The following SNAPC4 variants were observed in gnomAD, a reference collection of about 807,000 sequenced individuals.
SNAPC4 encodes snRNA-activating protein complex subunit 4.
In SNAPC4, 127 loss-of-function variants were observed where a neutral mutation model predicts 151.3. The ratio of observed to expected loss-of-function variants is 0.84; its 90% confidence interval spans 0.73 to 0.97. The LOEUF (loss-of-function observed/expected upper bound fraction) is 0.97. Among genes scored for constraint, SNAPC4 ranks in the 50% least tolerant of loss-of-function variants. The pLI is 0.00. For missense variants in SNAPC4, 2,186 were observed against 1,935.0 expected, an observed-to-expected ratio of 1.13 and a Z score of -2.43; for synonymous variants, 1,002 against 824.4, an observed-to-expected ratio of 1.22 and a Z score of -3.69.
rs570036164 is a variant in SNAPC4, at chr9:136,378,562, G to A, written c.3265C>T (p.Pro1089Ser). The A allele has an allele frequency of 3.0e-5, 48 of 1,591,678 alleles. No homozygotes were observed. The highest frequency in any genetic ancestry group is 1.5e-5 in the Non-Finnish European group (18 of 1,172,832). ...VLTAQGLLPV[P>S]VPAVVSLPRP... ...GGAAGGCTCACCACAGCTGGTACAGGAACAGGGAGAAGCCCCTGGGCTGTG... is the reference window on the plus strand; with the variant it reads ...GGAAGGCTCACCACAGCTGGTACAGAAACAGGGAGAAGCCCCTGGGCTGTG... The change falls in exon 22 of 24, where the codon CCT becomes TCT. Residue 1089 changes from proline (P) to serine (S), a missense_variant. By Grantham distance (74) the Pro-to-Ser change is moderately conservative. Coordinates refer to ENST00000684778, the MANE Select transcript of SNAPC4 (RefSeq NM_003086.4).
At chr9:136,376,904 G>A (rs540300485) in intron 22 of SNAPC4, among the ~76,000 whole-genome samples, 274 of 152,296 alleles carry the variant, frequency 1.8e-3, no homozygotes, top group Non-Finnish European at 2.7e-3. Flanking sequence ...CACTCCCTAT[G>A]ACAGGCCCAC....
At chr9:136,384,625 G>A (rs1833825613) in intron 14 of SNAPC4, 95 bp downstream of exon 14, 2 of 654,958 alleles carry the variant, frequency 3.1e-6, no homozygotes, top group African/African-American at 1.9e-5. Context: ...CCCCAGCCTG[G>A]ACGACAGAGC....
intron 18 of SNAPC4, 35 bp from the exon 19 acceptor site, chr9:136,381,427 C>T (rs760820504): frequency 1.3e-6 from 2 of 1,581,166 alleles, no homozygotes; most frequent in African/African-American, 2.7e-5. Context: ...AAAGCAGCCC[C>T]AGCTCCCATG....
In SNAPC4 at chr9:136,395,734, C is replaced by G; in HGVS notation, c.214G>C (p.Asp72His). Residue 72 changes from aspartate to histidine, a missense_variant, in exon 4 of 24, where the codon GAC (aspartate) becomes CAC (histidine). Transcript: ENST00000684778. ...GGGAGGGTTTTATCCTTGGGATCGT[C>G]CTCGTCATTGCTGGCTTCGCCCCAC... ...ERWGEASNDE[D>H]DPKDKTLPED... is the part of the protein sequence containing the mutation. 1 of 1,613,426 alleles carries G rather than the reference C, an allele frequency of 6.2e-7. No homozygotes were observed. Among genetic ancestry groups the G allele is most frequent in the South Asian group, 1.1e-5 (1 of 91,084 alleles).
Position 136,392,172 on chromosome 9 carries a change from A to G in SNAPC4, c.811-66T>C. The G allele has an allele frequency of 2.5e-6, 4 of 1,586,132 alleles. No individual in the cohort carries two copies. The South Asian group carries it at 4.4e-5, about 17-fold the overall frequency. On this transcript the variant is annotated intron_variant, in intron 9 of 23. Transcript: ENST00000684778. ...CCAGGGGCACCCTAGACGCAGCTCC[A>G]GGCTGAGCTGTTGCTCTCCGCCAGC...
chr9:136,386,670 G>A (rs1439771427), intron 13 of SNAPC4, among the ~76,000 whole-genome samples: 1 of 152,106 alleles, frequency 6.6e-6, no homozygotes, highest in Non-Finnish European at 1.5e-5. Context: ...CCAACCTCAG[G>A]TGATCCGCCG....
At chr9:136,389,830 G>A (rs1366529243) in intron 10 of SNAPC4, among the ~76,000 whole-genome samples, 1 of 152,184 alleles carries the variant, frequency 6.6e-6, no homozygotes, top group Non-Finnish European at 1.5e-5. Context: ...GAGGGTGGCT[G>A]GAGTGAAGCT....
At position 136,378,430 on chromosome 9, in the gene SNAPC4, A is replaced by C; in HGVS notation, c.3397T>G (p.Ser1133Ala). ...TTCATATTGGCTGGGGGCTGCCAAGAGCTGCTCAACGCTGGGGCCCTGGGG... is the reference window on the plus strand; with the variant it reads ...TTCATATTGGCTGGGGGCTGCCAAGCGCTGCTCAACGCTGGGGCCCTGGGG... Reference protein sequence around the residue: ...QGPRAPALSSSWQPPANMNRE... With the variant: ...QGPRAPALSSAWQPPANMNRE... The change falls in exon 22 of 24, where the codon TCT becomes GCT. Residue 1133 changes from serine to alanine, a missense_variant. Ser to Ala is a moderately conservative substitution (Grantham distance 99). Transcript: ENST00000684778. 1 of 1,598,890 alleles carries C rather than the reference A, an allele frequency of 6.3e-7. No homozygotes were observed. Among genetic ancestry groups the C allele is most frequent in the South Asian group, 1.1e-5 (1 of 90,342 alleles).
chr9:136,392,901 C>T, intron 7 of SNAPC4, 124 bp from the exon 8 acceptor site: 1 of 760,614 alleles, frequency 1.3e-6, no homozygotes, highest in Non-Finnish European at 2.2e-6. Context: ...CTCACCCTCC[C>T]TGCCTCGGCC....
At position 136,378,368 on chromosome 9, in the gene SNAPC4, T is replaced by G. The variant is rs531928177; in HGVS notation, c.3459A>C (p.Pro1153=). 2 of 1,611,212 alleles carry G rather than the reference T, an allele frequency of 1.2e-6. No homozygotes were observed. Among genetic ancestry groups the G allele is most frequent in the African/African-American group, 2.7e-5 (2 of 75,018 alleles). Residue 1153 remains proline, a synonymous_variant, in exon 22 of 24, where the codon CCA becomes CCC. Transcript: ENST00000684778. ...GGGAGAGGGCGTGTGTGGGAGGAGCTGGGGTGTCTGTCCTGCAGGAAGGCT... is the reference window on the plus strand; with the variant it reads ...GGGAGAGGGCGTGTGTGGGAGGAGCGGGGGTGTCTGTCCTGCAGGAAGGCT... ...EPEPSCRTDT[P]APPTHALSQS... is the part of the protein sequence containing the mutation.
rs1346395433 is a variant in SNAPC4 at position 136,394,868 on chromosome 9, G to A, written c.482C>T (p.Ala161Val). 1.2e-6 allele frequency: 2 copies of A among 1,613,644 alleles called. No homozygotes were observed. The highest frequency in any genetic ancestry group is 1.7e-6 in the Non-Finnish European group (2 of 1,179,940). ...KDKVTGVGPP[A>V]NEDTREKAAQ... ...AGCCTTCTCTCGTGTGTCCTCGTTG[G>A]CAGGTGGCCCCTGTCAGGGTGCACG... Residue 161 changes from alanine to valine, a missense_variant, in exon 6 of 24, where the codon GCC becomes GTC. Transcript: ENST00000684778.
chr9:136,397,998 T>C (rs1376482417), intron 2 of SNAPC4, among the ~76,000 whole-genome samples: 1 of 152,132 alleles, frequency 6.6e-6, no homozygotes, highest in African/African-American at 2.4e-5. Context: ...AGAAGCTCTC[T>C]GGCTGGAGTA....
At chr9:136,385,331 G>A (rs898958220) in intron 13 of SNAPC4, among the ~76,000 whole-genome samples, 9 of 152,148 alleles carry the variant, frequency 5.9e-5, no homozygotes, top group African/African-American at 2.2e-4. Context: ...ATTCCTAGTG[G>A]GAATACGAAA....
At chr9:136,394,220 C>CAA in intron 7 of SNAPC4, 29 bp downstream of exon 7, 1 of 1,578,228 alleles carries the variant, frequency 6.3e-7, no homozygotes, top group Non-Finnish European at 8.7e-7. Flanking sequence ...AGCCTGAAGA[C>CAA]CGTTTTTGAC....
At chr9:136,390,417 T>C (rs1018141958) in intron 10 of SNAPC4, among the ~76,000 whole-genome samples, 50 of 150,740 alleles carry the variant, frequency 3.3e-4, no homozygotes, top group Admixed American at 5.9e-4. Flanking sequence ...TAGCCGGGCG[T>C]GGTGGTGGGC....
chr9:136,394,072 C>A (rs1834174265), intron 7 of SNAPC4, among the ~76,000 whole-genome samples, 177 bp downstream of exon 7: 1 of 152,240 alleles, frequency 6.6e-6, no homozygotes, highest in Admixed American at 6.5e-5. Context: ...TGTGCACCAC[C>A]ACACCCAGCT....
Position 136,384,654 on chromosome 9 carries a change from G to C in SNAPC4, c.1420+66C>G, listed in dbSNP as rs1179665318. ...ACAGAGCTTGCTCTGTCTTTATCTT[G>C]ATCTCTTTTCTAAGAAACAAAAAAC... On this transcript the variant is annotated intron_variant, in intron 14 of 23. Coordinates refer to ENST00000684778, the MANE Select transcript of SNAPC4 (RefSeq NM_003086.4). The C allele has an allele frequency of 5.9e-6, 5 of 844,296 alleles. No individual in the cohort carries two copies. The Admixed American group carries it at 1.0e-4, about 17-fold the overall frequency. The allele number at this position is 844,296 out of a possible 1,614,324, so 52.3% of individuals were successfully genotyped here. A position where few individuals can be genotyped will look rare whatever the true frequency, so the allele number is the denominator to read the frequency against.
Position 136,376,425 on chromosome 9 carries a change from G to C in SNAPC4, c.4341C>G (p.Asp1447Glu). ...TTCTGAGCACGTCCAGGTCGTCAGG[G>C]TCATTAGAAGTATCCAGGCAGGAGG... is the stretch of plus-strand genomic sequence containing the variant. ...SASSCLDTSNDPDDLDVLRTR... is the reference protein window; with the variant it reads ...SASSCLDTSNEPDDLDVLRTR... Residue 1447 changes from aspartate to glutamate, a missense_variant, in exon 23 of 24, where the codon GAC becomes GAG. Transcript: ENST00000684778. The C allele has an allele frequency of 6.2e-7, 1 of 1,613,560 alleles. No individual in the cohort carries two copies. Among genetic ancestry groups the C allele is most frequent in the Non-Finnish European group, 8.5e-7 (1 of 1,179,956 alleles).
chr9:136,398,414 A>G lies in SNAPC4; in HGVS notation c.15T>C (p.Ala5=). The G allele has an allele frequency of 6.2e-7, 1 of 1,613,552 alleles. No individual in the cohort carries two copies. Among genetic ancestry groups the G allele is most frequent in the South Asian group, 1.1e-5 (1 of 91,060 alleles). MDVD[A]EREKITQEIK... ...TCTCCTGTGTTATCTTCTCTCTTTC[A>G]GCATCTACATCCATGACTCCCGCCT... The change falls in exon 2 of 24, where the codon GCT becomes GCC. Residue 5 remains alanine (A), a synonymous_variant. Transcript: ENST00000684778.
Sources: gnomAD v4.1 joint callset for allele counts (sites outside exome capture counted in the v4.1 genomes callset) on GRCh38, gnomAD v4.1.1 for gene constraint, MANE v1.5 for transcripts, NCBI Gene and HGNC (gene_info 2026-07-23, HGNC 2026-07-21) for gene names.